The following MBOAT2 variants were observed in gnomAD, a reference collection of about 807,000 sequenced individuals.
MBOAT2 encodes membrane-bound glycerophospholipid O-acyltransferase 2.
In MBOAT2, 28 loss-of-function variants were observed where a neutral mutation model predicts 63.4. The observed-to-expected ratio is 0.44, with a 90% CI of 0.33 to 0.61. MBOAT2 has a LOEUF of 0.61. Ranked by LOEUF, MBOAT2 falls within the 20% of genes least tolerant of loss-of-function variation. The probability of loss-of-function intolerance (pLI) is 0.03; values close to 1 mark genes in which losing one functional copy is unlikely to be tolerated. For synonymous variants in MBOAT2, 211 were observed against 215.6 expected, an observed-to-expected ratio of 0.98 and a Z score of 0.19; for missense variants, 470 against 605.8, an observed-to-expected ratio of 0.78 and a Z score of 2.35.
intron 9 of MBOAT2, among the ~76,000 whole-genome samples, chr2:8,865,802 C>T (rs921977817): frequency 6.6e-6 from 1 of 152,140 alleles, no homozygotes. Flanking sequence ...TTTGGGAGGC[C>T]GAGGTGGGTA....
intron 1 of MBOAT2, among the ~76,000 whole-genome samples, chr2:8,993,319 A>G (rs1325642367): frequency 3.9e-5 from 6 of 152,228 alleles, no homozygotes; most frequent in Non-Finnish European, 8.8e-5. Flanking sequence ...TTCTTACCTA[A>G]GAGAGACCTG....
intron 1 of MBOAT2, among the ~76,000 whole-genome samples, chr2:8,965,239 A>G (rs1173020382): frequency 5.3e-5 from 8 of 152,220 alleles, no homozygotes; most frequent in Non-Finnish European, 2.9e-5. Flanking sequence ...TTACGGCATT[A>G]AAACATTTAT....
chr2:8,860,079 T>C (rs760342081), intron 12 of MBOAT2, among the ~76,000 whole-genome samples: 2 of 151,516 alleles, frequency 1.3e-5, no homozygotes, highest in African/African-American at 2.4e-5. Context: ...TCCCAACTAC[T>C]TGGGAGGCTG....
intron 12 of MBOAT2, among the ~76,000 whole-genome samples, chr2:8,859,840 G>A (rs956856983): frequency 6.6e-6 from 1 of 152,110 alleles, no homozygotes; most frequent in African/African-American, 2.4e-5. Flanking sequence ...GATCACCACA[G>A]TATCAATCAA....
At chr2:8,913,024 C>G (rs1415090022) in intron 3 of MBOAT2, among the ~76,000 whole-genome samples, 7 of 152,006 alleles carry the variant, frequency 4.6e-5, no homozygotes, top group African/African-American at 1.7e-4. Flanking sequence ...AATAGAGAAC[C>G]CATAAATAAA....
At chr2:8,949,575 CA>C (rs1319269349) in intron 2 of MBOAT2, among the ~76,000 whole-genome samples, 1 of 152,028 alleles carries the variant, frequency 6.6e-6, no homozygotes, top group African/African-American at 2.4e-5. Context: ...CCAATTATAC[CA>C]GCACCATTTA....
At position 8,862,524 on chromosome 2, in the gene MBOAT2, T is replaced by C. The variant is rs7566138; in HGVS notation, c.1185+66A>G. ...AAGAGGGTCTACCTTGTAAGAGAGA[T>C]GTACTCAGCCTTTTTAACAGTTCAA... On this transcript the variant is annotated intron_variant, in intron 11 of 12. Transcript: ENST00000305997. This position sits in a 1 kb window ranked among gnomAD's most constrained non-coding sequence, Gnocchi z 4.3. The C allele has an allele frequency of 6.5e-7, 1 of 1,539,382 alleles. No individual in the cohort carries two copies. The highest frequency in any genetic ancestry group is 1.4e-5 in the African/African-American group (1 of 72,662).
At chr2:8,924,139 C>T (rs1473886931) in intron 3 of MBOAT2, among the ~76,000 whole-genome samples, 1 of 152,100 alleles carries the variant, frequency 6.6e-6, no homozygotes. Context: ...TTTTAAACCA[C>T]CTGCTTTATC....
chr2:8,930,324 T>C (rs974520568), intron 3 of MBOAT2, among the ~76,000 whole-genome samples: 4 of 152,192 alleles, frequency 2.6e-5, no homozygotes, highest in Admixed American at 6.5e-5. Context: ...AGTGAGAACA[T>C]GCGGTGTTTG....
At chr2:8,946,366 ATAAT>A (rs761072397) in intron 2 of MBOAT2, among the ~76,000 whole-genome samples, 14 of 152,348 alleles carry the variant, frequency 9.2e-5, no homozygotes, top group East Asian at 3.9e-4. Context: ...ATTTAAATAA[ATAAT>A]TAAAGTCTAA....
intron 3 of MBOAT2, among the ~76,000 whole-genome samples, chr2:8,909,996 C>T (rs987262035): frequency 3.9e-4 from 59 of 152,326 alleles, no homozygotes; most frequent in African/African-American, 1.4e-3. Flanking sequence ...CTTCTAACTG[C>T]ACAGACCAGC....
At chr2:8,895,320 CCGTT>C (rs1348511869) in intron 4 of MBOAT2, among the ~76,000 whole-genome samples, 2 of 152,024 alleles carry the variant, frequency 1.3e-5, no homozygotes, top group African/African-American at 2.4e-5. Context: ...GCTAATTGGT[CCGTT>C]TTACAGAGTG....
At chr2:8,908,968 C>T (rs1423860690) in intron 3 of MBOAT2, among the ~76,000 whole-genome samples, 1 of 152,150 alleles carries the variant, frequency 6.6e-6, no homozygotes, top group Non-Finnish European at 1.5e-5. Context: ...CACCACTTTA[C>T]ATATTTGAAA....
intron 10 of MBOAT2, among the ~76,000 whole-genome samples, chr2:8,863,927 A>G (rs1558547522): frequency 1.3e-5 from 2 of 152,194 alleles, no homozygotes; most frequent in Non-Finnish European, 2.9e-5. Context: ...GAGGCCTTTA[A>G]AGGAGGCTTG....
At chr2:8,895,313 AATTGGTCCGTTTTACAGAGTGCTG>A (rs1558584404) in intron 4 of MBOAT2, among the ~76,000 whole-genome samples, 15 of 150,392 alleles carry the variant, frequency 1.0e-4, no homozygotes, top group Non-Finnish European at 1.6e-4. Context: ...ACAGAGTGCT[AATTGGTCCGTTTTACAGAGTGCTG>A]ATTGGTCCGT....
intron 9 of MBOAT2, among the ~76,000 whole-genome samples, chr2:8,868,178 C>A (rs188062283): frequency 1.4e-4 from 22 of 152,304 alleles, no homozygotes; most frequent in African/African-American, 5.3e-4. Flanking sequence ...ACATGCCTTA[C>A]CCCTCTCTGA....
chr2:8,912,363 A>G (rs1573031396), intron 3 of MBOAT2, among the ~76,000 whole-genome samples: 4 of 96,014 alleles, frequency 4.2e-5, no homozygotes, highest in African/African-American at 1.7e-4. Flanking sequence ...GAAAGAAAGA[A>G]AGAAAGAAAG....
At chr2:8,952,281 G>A (rs1257244909) in intron 2 of MBOAT2, among the ~76,000 whole-genome samples, 1 of 152,188 alleles carries the variant, frequency 6.6e-6, no homozygotes, top group African/African-American at 2.4e-5. Flanking sequence ...TGGTCCAAGA[G>A]TATAGATAGT....
chr2:8,987,005 C>T (rs769140620), intron 1 of MBOAT2, among the ~76,000 whole-genome samples: 1 of 152,142 alleles, frequency 6.6e-6, no homozygotes, highest in Admixed American at 6.5e-5. Context: ...TGACAGCTAA[C>T]TAATACAGAC....
Sources: allele counts gnomAD v4.1 joint callset (sites outside exome capture counted in the v4.1 genomes callset), GRCh38; gene constraint gnomAD v4.1.1; non-coding constraint Gnocchi (gnomAD v3.1); transcripts MANE v1.5; gene names NCBI Gene and HGNC (gene_info 2026-07-23, HGNC 2026-07-21).